EHBP1L1: variants seen among roughly 807,000 people sequenced by gnomAD.
EHBP1L1 encodes the protein EH domain-binding protein 1-like protein 1.
In EHBP1L1, 122 loss-of-function variants were observed where a neutral mutation model predicts 151.1. The observed-to-expected ratio is 0.81, with a 90% CI of 0.70 to 0.94. The LOEUF (loss-of-function observed/expected upper bound fraction) is 0.94, where lower values mean the gene tolerates loss of function less well. EHBP1L1 is among the 40% of genes least tolerant of loss of function. The pLI is 0.00. For missense variants in EHBP1L1, 1,941 were observed against 1,959.8 expected (o/e 0.99, Z 0.18); for synonymous variants, 878 against 810.1 (o/e 1.08, Z -1.42).
At chr11:65,591,637 TG>T in intron 16 of EHBP1L1, 162 bp from the exon 17 acceptor site, 3 of 661,386 alleles carry the variant, frequency 4.5e-6, no homozygotes, top group Non-Finnish European at 8.3e-6. Context: ...AGCGATAATG[TG>T]GTCTGGAGAC....
chr11:65,585,161 G>A lies in EHBP1L1; in HGVS notation c.3503G>A (p.Ser1168Asn). 7.3e-7 allele frequency: 1 copy of A among 1,365,836 alleles called. No individual in the cohort carries two copies. Among genetic ancestry groups the A allele is most frequent in the Non-Finnish European group, 9.4e-7 (1 of 1,066,276 alleles). 84.6% of individuals were successfully genotyped at this position (1,365,836 alleles called of 1,614,324 possible). The change falls in exon 12 of 19, where the codon AGC (serine) becomes AAC (asparagine). Residue 1168 changes from serine to asparagine, a missense_variant. Transcript: ENST00000309295. This position sits in a 1 kb window ranked among gnomAD's most constrained non-coding sequence, Gnocchi z 4.0. ...TACCGCGTGGGCAGCGCCCAGCCCA[G>A]CCCGCCCGACGACCTGGACGCCGGA... is the stretch of plus-strand genomic sequence containing the variant. ...GTYRVGSAQP[S>N]PPDDLDAGGL...
At position 65,583,444 on chromosome 11, in the gene EHBP1L1, A is replaced by G. The variant is rs769351578; in HGVS notation, c.2772A>G (p.Val924=). 1.4e-5 allele frequency: 22 copies of G among 1,613,586 alleles called. No individual in the cohort carries two copies. In the South Asian group the frequency reaches 2.1e-4, roughly 15 times the overall value. ...AAGCAAAAGCAGAGATTTCAGGAGT[A>G]CAAGGGTCAGAGACTCAAGTTCTGA... ...SQEAKAEISG[V]QGSETQVLRV... Residue 924 remains valine (V), a synonymous_variant, in exon 9 of 19, where the codon GTA becomes GTG. Transcript: ENST00000309295.
intron 18 of EHBP1L1, 35 bp from the exon 19 acceptor site, chr11:65,592,168 C>T (rs751502153): frequency 6.2e-7 from 1 of 1,600,994 alleles, no homozygotes; most frequent in Non-Finnish European, 8.5e-7. Context: ...TGGACCCCGC[C>T]CAACGGAGCG....
chr11:65,584,308 A>G lies in EHBP1L1; in HGVS notation c.3161A>G (p.Tyr1054Cys), dbSNP rs201763965. 1.5e-4 allele frequency: 245 copies of G among 1,611,658 alleles called. No homozygotes were observed. Among genetic ancestry groups the G allele is most frequent in the Non-Finnish European group, 1.2e-5 (14 of 1,178,806 alleles). Residue 1054 changes from tyrosine (Y) to cysteine (C), a missense_variant, in exon 10 of 19, where the codon TAC becomes TGC. Physicochemically the swap from Tyr to Cys is radical, Grantham distance 194 (BLOSUM62 -2). Coordinates refer to ENST00000309295, the MANE Select transcript of EHBP1L1 (RefSeq NM_001099409.3). The stretch of plus-strand genomic sequence containing the variant: ...TGGTGCCAGGAAGTCACCACTGGCT[A>G]CCGTGGCGTCCGCATCACCAACTTC... Reference protein sequence around the residue: ...LEWCQEVTTGYRGVRITNFTT... With the variant: ...LEWCQEVTTGCRGVRITNFTT...
chr11:65,590,680 T>C, intron 16 of EHBP1L1, 88 bp downstream of exon 16: 1 of 1,165,892 alleles, frequency 8.6e-7, no homozygotes, highest in South Asian at 1.3e-5. Context: ...CCTACAGAGA[T>C]CTTTTTGACA....
chr11:65,592,440 AGGGCAGGGCGGATCCCCGACCCCAC>A lies in EHBP1L1; in HGVS notation c.*143_*167del, dbSNP rs1407047187. On this transcript the variant is annotated 3_prime_UTR_variant, in exon 19 of 19. Coordinates refer to ENST00000309295, the MANE Select transcript of EHBP1L1 (RefSeq NM_001099409.3). ...GGGCCGCCGGCGCCCTTCCCCGTAC[AGGGCAGGGCGGATCCCCGACCCCAC>A]GGGCGGGGCGGCCGCCGTATTTATT... The A allele has an allele frequency of 2.4e-5, 11 of 461,084 alleles. No homozygotes were observed. The highest frequency in any genetic ancestry group is 8.9e-6 in the Non-Finnish European group (3 of 335,638). The allele number at this position is 461,084 out of a possible 1,614,324, so 28.6% of individuals were successfully genotyped here.
At position 65,584,396 on chromosome 11, in the gene EHBP1L1, G is replaced by C. The variant is rs1414429784; in HGVS notation, c.3249G>C (p.Lys1083Asn). Residue 1083 changes from lysine to asparagine, a missense_variant and splice_region_variant, in exon 10 of 19, where the codon AAG becomes AAC. By Grantham distance (94) the Lys-to-Asn change is moderately conservative. Coordinates refer to ENST00000309295, the MANE Select transcript of EHBP1L1 (RefSeq NM_001099409.3). ...TCCTGCACCGATTCTACCCAGACAA[G>C]ATGTGAGCTGCCAGAGGGGTGGGAA... ...CAILHRFYPD[K>N]IDYASLDPLN... 7 of 1,613,120 alleles carry C rather than the reference G, an allele frequency of 4.3e-6. No homozygotes were observed. In the Admixed American group the frequency reaches 1.2e-4, roughly 27 times the overall value.
intron 9 of EHBP1L1, 168 bp from the exon 10 acceptor site, chr11:65,584,073 C>T: frequency 6.9e-7 from 1 of 1,451,962 alleles, no homozygotes; most frequent in Non-Finnish European, 9.0e-7. Context: ...GCAGATAACC[C>T]TGGATCTAGA....
At chr11:65,588,932 G>T (rs1033130744) in intron 12 of EHBP1L1, among the ~76,000 whole-genome samples, 2 of 152,134 alleles carry the variant, frequency 1.3e-5, no homozygotes, top group African/African-American at 4.8e-5. Flanking sequence ...GGTCTGGGGA[G>T]CCCTGAGGAC....
At chr11:65,590,045 C>T in intron 14 of EHBP1L1, 42 bp from the exon 15 acceptor site, 1 of 1,612,732 alleles carries the variant, frequency 6.2e-7, no homozygotes, top group Non-Finnish European at 8.5e-7. Flanking sequence ...TATTCAGGGC[C>T]TGGGCTGAGT....
chr11:65,576,737 A>T (rs998336650), intron 1 of EHBP1L1, among the ~76,000 whole-genome samples: 6 of 152,088 alleles, frequency 3.9e-5, no homozygotes, highest in African/African-American at 1.2e-4. Context: ...TCAGGGTGGC[A>T]TTGGAAAAGG....
chr11:65,590,010 G>A lies in EHBP1L1; in HGVS notation c.4059+19G>A. Reference sequence around the variant, plus strand: ...TGGGCTGGTAAGGAGGGCTAAGTGGGAGGAGCTGATGGGTGAGCACCACCT... The same window carrying A: ...TGGGCTGGTAAGGAGGGCTAAGTGGAAGGAGCTGATGGGTGAGCACCACCT... On this transcript the variant is annotated intron_variant, in intron 14 of 18. Coordinates refer to ENST00000309295, the MANE Select transcript of EHBP1L1 (RefSeq NM_001099409.3). 6.2e-7 allele frequency: 1 copy of A among 1,606,522 alleles called. No homozygotes were observed. The highest frequency in any genetic ancestry group is 2.2e-5 in the East Asian group (1 of 44,634).
At chr11:65,578,962 G>A in intron 1 of EHBP1L1, 116 bp from the exon 2 acceptor site, 3 of 1,004,148 alleles carry the variant, frequency 3.0e-6, no homozygotes, top group East Asian at 2.6e-5. Flanking sequence ...AGGAGGGGGA[G>A]GTGGGCAGAA....
chr11:65,582,790 G>T lies in EHBP1L1; in HGVS notation c.2118G>T (p.Val706=). The T allele has an allele frequency of 6.2e-7, 1 of 1,613,154 alleles. No homozygotes were observed. Among genetic ancestry groups the T allele is most frequent in the Non-Finnish European group, 8.5e-7 (1 of 1,179,698 alleles). Residue 706 remains valine, a synonymous_variant, in exon 9 of 19, where the codon GTG becomes GTT. Coordinates refer to ENST00000309295, the MANE Select transcript of EHBP1L1 (RefSeq NM_001099409.3). The part of the protein sequence containing the change: ...SEMLGTQETE[V]EASRVPESEA... ...TGCTGGGGACCCAGGAGACAGAGGT[G>T]GAAGCTTCTAGGGTACCAGAGTCAG...
chr11:65,592,217 A>G lies in EHBP1L1; in HGVS notation c.4487A>G (p.Asp1496Gly), dbSNP rs772661039. The change falls in exon 19 of 19, where the codon GAC becomes GGC. Residue 1496 changes from aspartate to glycine, a missense_variant. Asp to Gly is a moderately conservative substitution (Grantham distance 94). Transcript: ENST00000309295. Reference protein sequence around the residue: ...DHKERIALEEDERLERGLEQR... With the variant: ...DHKERIALEEGERLERGLEQR... ...GTTCTCCCCAGCGCCCTGGAGGAGG[A>G]CGAGCGCCTGGAGCGCGGCCTGGAA... The G allele has an allele frequency of 1.3e-6, 2 of 1,552,068 alleles. No homozygotes were observed. Among genetic ancestry groups the G allele is most frequent in the South Asian group, 2.3e-5 (2 of 86,368 alleles).
Position 65,585,021 on chromosome 11 carries a change from A to T in EHBP1L1, c.3363A>T (p.Leu1121=). The T allele has an allele frequency of 3.3e-6, 5 of 1,536,270 alleles. No homozygotes were observed. The highest frequency in any genetic ancestry group is 4.4e-6 in the Non-Finnish European group (5 of 1,147,302). The change falls in exon 12 of 19, where the codon CTA becomes CTT. Residue 1121 remains leucine, a synonymous_variant. Coordinates refer to ENST00000309295, the MANE Select transcript of EHBP1L1 (RefSeq NM_001099409.3). This position sits in a 1 kb window ranked among gnomAD's most constrained non-coding sequence, Gnocchi z 4.0. ...SRLLEPADMV[L]LSVPDKLIVM... Reference sequence around the variant, plus strand: ...TGCTGGAGCCCGCGGACATGGTGCTACTGTCGGTGCCCGACAAGCTCATCG... The same window carrying T: ...TGCTGGAGCCCGCGGACATGGTGCTTCTGTCGGTGCCCGACAAGCTCATCG...
chr11:65,579,932 C>T lies in EHBP1L1; in HGVS notation c.259-4C>T. The T allele has an allele frequency of 6.2e-7, 1 of 1,613,744 alleles. No individual in the cohort carries two copies. Among genetic ancestry groups the T allele is most frequent in the Non-Finnish European group, 8.5e-7 (1 of 1,179,846 alleles). On this transcript the variant is annotated splice_region_variant and splice_polypyrimidine_tract_variant and intron_variant, in intron 3 of 18. Transcript: ENST00000309295. ...CCTGTACTCACCAGCACCCTTCTTCCCAGGACCCCCACGTGGACCAGTATG... is the reference window on the plus strand; with the variant it reads ...CCTGTACTCACCAGCACCCTTCTTCTCAGGACCCCCACGTGGACCAGTATG...
At chr11:65,584,185 G>A in intron 9 of EHBP1L1, 56 bp from the exon 10 acceptor site, 1 of 1,574,458 alleles carries the variant, frequency 6.4e-7, no homozygotes, top group Admixed American at 2.0e-5. Context: ...TTCCCCAAGA[G>A]GCAGAGGGCA....
Position 65,592,323 on chromosome 11 carries a change from C to A in EHBP1L1, c.*21C>A. The A allele has an allele frequency of 7.0e-7, 1 of 1,419,602 alleles. No homozygotes were observed. Among genetic ancestry groups the A allele is most frequent in the East Asian group, 2.9e-5 (1 of 34,334 alleles). 87.9% of individuals were successfully genotyped at this position (1,419,602 alleles called of 1,614,324 possible). A position where few individuals can be genotyped will look rare whatever the true frequency, so the allele number is the denominator to read the frequency against. On this transcript the variant is annotated 3_prime_UTR_variant, in exon 19 of 19. Transcript: ENST00000309295. ...GCTGAGGCCGCCGGCCCGGGTGGCC[C>A]ATAACTTCTCGCGTCCCCGGCGTCC...
Sources: gnomAD v4.1 joint callset for allele counts (sites outside exome capture counted in the v4.1 genomes callset) on GRCh38, gnomAD v4.1.1 for gene constraint, Gnocchi (gnomAD v3.1) non-coding constraint, MANE v1.5 for transcripts, NCBI Gene and HGNC (gene_info 2026-07-23, HGNC 2026-07-21) for gene names.